The following SGF29 variants were observed in gnomAD, a reference collection of about 807,000 sequenced individuals.
SGF29 encodes SAGA-associated factor 29.
A neutral mutation model predicts 38.1 loss-of-function variants in SGF29; 15 were observed. The observed-to-expected ratio is 0.39, with a 90% CI of 0.26 to 0.61. The LOEUF is 0.61. Among genes scored for constraint, SGF29 ranks in the 20% least tolerant of loss-of-function variants. The probability of loss-of-function intolerance (pLI) is 0.49; values close to 1 mark genes in which losing one functional copy is unlikely to be tolerated. For missense variants in SGF29, 184 were observed against 394.6 expected (o/e 0.47, Z 4.52); for synonymous variants, 151 against 160.8 (o/e 0.94, Z 0.46).
At position 28,564,578 on chromosome 16, in the gene SGF29, C is replaced by CACATATATATGTGTATATATAT. The variant is rs1567285657; in HGVS notation, c.-16+10483_-16+10484insATATATATGTGTATATATATAC. ...ATATATATATATACGTATATATATACACGTATATATATACACACATATATG... is the reference window on the plus strand; with the variant it reads ...ATATATATATATACGTATATATATACACATATATATGTGTATATATATACGTATATATATACACACATATATG... On this transcript the variant is annotated intron_variant, in intron 1 of 9. Transcript: ENST00000317058. Among the ~76,000 whole-genome samples, 49 of 109,494 alleles carry CACATATATATGTGTATATATAT rather than the reference C, an allele frequency of 4.5e-4. 2 individuals carry two copies. Among genetic ancestry groups the CACATATATATGTGTATATATAT allele is most frequent in the Non-Finnish European group, 7.9e-4 (42 of 53,454 alleles). 71.8% of individuals were successfully genotyped at this position (109,494 alleles called of 152,430 possible).
chr16:28,580,753 G>A (rs1303706862), intron 1 of SGF29, among the ~76,000 whole-genome samples: 1 of 152,202 alleles, frequency 6.6e-6, no homozygotes, highest in Non-Finnish European at 1.5e-5. Flanking sequence ...CACGATCGTA[G>A]CTCATGCAGC....
At chr16:28,585,510 A>T (rs1408985057) in intron 3 of SGF29, 138 bp from the exon 4 acceptor site, 3 of 751,556 alleles carry the variant, frequency 4.0e-6, no homozygotes, top group Non-Finnish European at 7.0e-6. Context: ...CCTCAGGAGC[A>T]CTCCTGAGCC....
intron 1 of SGF29, among the ~76,000 whole-genome samples, chr16:28,556,654 G>GT (rs1254093398): frequency 5.3e-5 from 8 of 150,860 alleles, no homozygotes; most frequent in East Asian, 2.0e-4. Context: ...ACCTACTTAT[G>GT]TTTTTTTTAG....
At chr16:28,556,085 G>T (rs2046749024) in intron 1 of SGF29, among the ~76,000 whole-genome samples, 1 of 152,058 alleles carries the variant, frequency 6.6e-6, no homozygotes, top group South Asian at 2.1e-4. Context: ...AGAAACACTG[G>T]CATAAGTTGC....
intron 1 of SGF29, among the ~76,000 whole-genome samples, chr16:28,577,390 G>A (rs989093638): frequency 2.0e-5 from 3 of 150,902 alleles, no homozygotes; most frequent in South Asian, 2.1e-4. Context: ...ATTAATAGTC[G>A]CTGTCCTTTC....
intron 5 of SGF29, 44 bp downstream of exon 5, chr16:28,589,208 G>C: frequency 6.2e-7 from 1 of 1,606,384 alleles, no homozygotes; most frequent in South Asian, 1.1e-5. Context: ...GCTAGGACAA[G>C]AGGAGAGGCC....
chr16:28,584,898 C>G lies in SGF29; in HGVS notation c.76-15C>G. On this transcript the variant is annotated splice_polypyrimidine_tract_variant and intron_variant, in intron 2 of 9. Coordinates refer to ENST00000317058, the MANE Select transcript of SGF29 (RefSeq NM_138414.3). ...AAAGGGCCACCGTCATGTCCTGCTG[C>G]TCTTTTCCTTACAGGAAGAGCGTTC... The G allele has an allele frequency of 6.2e-7, 1 of 1,610,746 alleles. No individual in the cohort carries two copies. The highest frequency in any genetic ancestry group is 2.2e-5 in the East Asian group (1 of 44,842).
In SGF29 at chr16:28,591,749, G is replaced by T; in HGVS notation, c.*43G>T. On this transcript the variant is annotated 3_prime_UTR_variant, in exon 10 of 10. Transcript: ENST00000317058. ...GCCATCCCCCAACGACACAGGGCAG[G>T]ACAGCAGAGGACGTGCTGGGATTAA... 6.8e-7 allele frequency: 1 copy of T among 1,463,306 alleles called. No homozygotes were observed. The highest frequency in any genetic ancestry group is 9.6e-7 in the Non-Finnish European group (1 of 1,046,050). 90.6% of individuals were successfully genotyped at this position (1,463,306 alleles called of 1,614,324 possible). A position where few individuals can be genotyped will look rare whatever the true frequency, so the allele number is the denominator to read the frequency against.
chr16:28,560,111 A>G (rs1157542455), intron 1 of SGF29, among the ~76,000 whole-genome samples: 1 of 151,826 alleles, frequency 6.6e-6, no homozygotes, highest in Non-Finnish European at 1.5e-5. Context: ...GCGTGGTGGT[A>G]CACAGGAGGC....
chr16:28,560,329 G>A (rs1278307631), intron 1 of SGF29, among the ~76,000 whole-genome samples: 7 of 150,136 alleles, frequency 4.7e-5, no homozygotes, highest in Non-Finnish European at 8.9e-5. Context: ...AGTGGCTCAC[G>A]CCTGTAATCC....
At chr16:28,588,302 G>A (rs1388543320) in intron 4 of SGF29, among the ~76,000 whole-genome samples, 1 of 152,166 alleles carries the variant, frequency 6.6e-6, no homozygotes, top group Admixed American at 6.5e-5. Flanking sequence ...CAGAAAGGAT[G>A]AGGTCCTTCC....
At chr16:28,584,840 T>A in intron 2 of SGF29, 73 bp from the exon 3 acceptor site, 5 of 983,436 alleles carry the variant, frequency 5.1e-6, no homozygotes, top group Middle Eastern at 2.9e-4. Context: ...GGATGGGGAC[T>A]CTGGCCTGGC....
chr16:28,591,062 C>G, intron 9 of SGF29, 127 bp downstream of exon 9: 1 of 1,195,464 alleles, frequency 8.4e-7, no homozygotes, highest in South Asian at 1.6e-5. Context: ...ACAGGACCCA[C>G]CAGCTGCCCT....
intron 2 of SGF29, 73 bp downstream of exon 2, chr16:28,581,217 A>G: frequency 7.1e-7 from 1 of 1,408,798 alleles, no homozygotes; most frequent in East Asian, 2.3e-5. Context: ...TGGGGGTGGC[A>G]TTTGTGTTCA....
intron 3 of SGF29, 37 bp downstream of exon 3, chr16:28,585,025 T>A: frequency 6.5e-7 from 1 of 1,546,392 alleles, no homozygotes; most frequent in Non-Finnish European, 8.9e-7. Flanking sequence ...GGGGATGAGA[T>A]GGGGCTAGGG....
At chr16:28,585,041 A>G (rs1001247530) in intron 3 of SGF29, 53 bp downstream of exon 3, 20 of 1,410,638 alleles carry the variant, frequency 1.4e-5, no homozygotes, top group Non-Finnish European at 2.0e-5. Context: ...TAGGGTGAGT[A>G]TGGCCAAGAC....
rs1272354213 is a variant in SGF29, at chr16:28,560,822, G to A, written c.-16+6725G>A. Among the ~76,000 whole-genome samples the A allele has an allele frequency of 3.3e-5, 5 of 151,778 alleles. No individual in the cohort carries two copies. In the East Asian group the frequency reaches 5.9e-4, roughly 18 times the overall value. ...TAAAAATACAAAAAATTAGCTGGGC[G>A]TGGTGGCGGGTGCCTGTAGTCCCAG... On this transcript the variant is annotated intron_variant, in intron 1 of 9. Transcript: ENST00000317058.
chr16:28,567,655 T>C (rs1309662346), intron 1 of SGF29, among the ~76,000 whole-genome samples: 1 of 152,112 alleles, frequency 6.6e-6, no homozygotes. Context: ...GGAGGAGAGC[T>C]GTAGAGAAAG....
At chr16:28,555,627 G>A (rs915698538) in intron 1 of SGF29, among the ~76,000 whole-genome samples, 2 of 152,162 alleles carry the variant, frequency 1.3e-5, no homozygotes, top group African/African-American at 2.4e-5. Flanking sequence ...GAGAAGTCCC[G>A]AGATTTGCCA....
Sources: allele counts gnomAD v4.1 joint callset (sites outside exome capture counted in the v4.1 genomes callset), GRCh38; gene constraint gnomAD v4.1.1; transcripts MANE v1.5; gene names NCBI Gene and HGNC (gene_info 2026-07-23, HGNC 2026-07-21).